The following MGAT1 variants were observed in gnomAD, a reference collection of about 807,000 sequenced individuals.
The protein encoded by MGAT1 is N-glycosyl-oligosaccharide-glycoprotein N-acetylglucosaminyltransferase I.
In MGAT1, 14 loss-of-function variants were observed where a neutral mutation model predicts 31.7. That is an observed-to-expected ratio of 0.44 (90% CI 0.29 to 0.69). MGAT1 has a LOEUF of 0.69. Ranked by LOEUF, MGAT1 falls within the 30% of genes least tolerant of loss-of-function variation. The pLI is 0.12. For missense variants in MGAT1, 557 were observed against 626.0 expected (o/e 0.89, Z 1.18); for synonymous variants, 338 against 276.0 (o/e 1.22, Z -2.23).
rs1767535610 is a variant in MGAT1 at position 180,785,906 on chromosome 5, T to C, written c.*5728A>G. 2 of 152,330 alleles carry C rather than the reference T, an allele frequency of 1.3e-5. No homozygotes were observed. The highest frequency in any genetic ancestry group is 1.3e-4 in the Admixed American group (2 of 15,294). The allele number at this position is 152,330 out of a possible 1,614,324, so 9.4% of individuals were successfully genotyped here. A position where few individuals can be genotyped will look rare whatever the true frequency, so the allele number is the denominator to read the frequency against. On this transcript the variant is annotated 3_prime_UTR_variant, in exon 2 of 2. Transcript: ENST00000307826. ...ACAGCTGTGCTGAGACGTTTTTGGCTGGGGCAGGGCTGCTGCACTGAGGGT... is the reference window on the plus strand; with the variant it reads ...ACAGCTGTGCTGAGACGTTTTTGGCCGGGGCAGGGCTGCTGCACTGAGGGT...
At chr5:180,794,198 C>G (rs12521205) in intron 1 of MGAT1, among the ~76,000 whole-genome samples, 17,389 of 146,860 alleles carry the variant, frequency 0.12, 1,093 homozygotes, top group East Asian at 0.24. Context: ...GGGCAGCACA[C>G]GGAGACCCTG....
rs547502235 is a variant in MGAT1 at position 180,785,137 on chromosome 5, G to C, written c.*6497C>G. The C allele has an allele frequency of 1.2e-4, 18 of 152,244 alleles. No individual in the cohort carries two copies. Among genetic ancestry groups the C allele is most frequent in the African/African-American group, 4.1e-4 (17 of 41,544 alleles). 9.4% of individuals were successfully genotyped at this position (152,244 alleles called of 1,614,324 possible). A position where few individuals can be genotyped will look rare whatever the true frequency, so the allele number is the denominator to read the frequency against. On this transcript the variant is annotated 3_prime_UTR_variant, in exon 2 of 2. Transcript: ENST00000307826. ...TTCAAGAACATCTACGTAAATAATA[G>C]AACCAGTCTCCTAGATGACACTGCT... is the stretch of plus-strand genomic sequence containing the variant.
chr5:180,812,097 C>G (rs538194147), intron 1 of MGAT1, among the ~76,000 whole-genome samples: 36 of 152,346 alleles, frequency 2.4e-4, no homozygotes, highest in Non-Finnish European at 4.7e-4. Context: ...TATTGTCTGT[C>G]TCCCACTACT....
chr5:180,810,472 C>G (rs1772445108), intron 1 of MGAT1: 1 of 152,418 alleles, frequency 6.6e-6, no homozygotes, highest in Non-Finnish European at 1.5e-5. Context: ...GCAGCGGAAG[C>G]GCGCGGCAGG....
Position 180,792,357 on chromosome 5 carries a change from G to T in MGAT1, c.615C>A (p.Ala205=). 2 of 1,611,088 alleles carry T rather than the reference G, an allele frequency of 1.2e-6. No homozygotes were observed. The highest frequency in any genetic ancestry group is 1.7e-6 in the Non-Finnish European group (2 of 1,178,254). Residue 205 remains alanine (A), a synonymous_variant, in exon 2 of 2, where the codon GCC becomes GCA. Coordinates refer to ENST00000307826, the MANE Select transcript of MGAT1 (RefSeq NM_002406.4). ...QVFRQFRFPA[A]VVVEDDLEVA... Reference sequence around the variant, plus strand: ...CCTCCAGGTCATCCTCCACCACCACGGCCGCGGGGAAGCGAAACTGCCGGA... The same window carrying T: ...CCTCCAGGTCATCCTCCACCACCACTGCCGCGGGGAAGCGAAACTGCCGGA...
chr5:180,792,153 G>C lies in MGAT1; in HGVS notation c.819C>G (p.Ala273=), dbSNP rs373316640. The C allele has an allele frequency of 8.1e-6, 13 of 1,613,100 alleles. No homozygotes were observed. Among genetic ancestry groups the C allele is most frequent in the Non-Finnish European group, 1.1e-5 (13 of 1,179,984 alleles). ...FFPGLGWLLL[A]ELWAELEPKW... ...TGGGCTCCAGCTCAGCCCAGAGCTC[G>C]GCCAACAGCAGCCAGCCCAGGCCAG... Residue 273 remains alanine (A), a synonymous_variant, in exon 2 of 2, where the codon GCC becomes GCG. Transcript: ENST00000307826.
At chr5:180,798,223 C>T (rs928186120) in intron 1 of MGAT1, among the ~76,000 whole-genome samples, 33 of 152,306 alleles carry the variant, frequency 2.2e-4, no homozygotes, top group African/African-American at 7.7e-4. Flanking sequence ...ACGTAAATAT[C>T]GGCCGTTATT....
In MGAT1 at chr5:180,793,159, G is replaced by A. The variant is rs535934551; in HGVS notation, c.-126-62C>T. The A allele has an allele frequency of 7.1e-6, 5 of 707,226 alleles. No homozygotes were observed. The South Asian group carries it at 9.5e-5, about 13-fold the overall frequency. 43.8% of individuals were successfully genotyped at this position (707,226 alleles called of 1,614,324 possible). A position where few individuals can be genotyped will look rare whatever the true frequency, so the allele number is the denominator to read the frequency against. ...AGGCTCGTGGCTCCATGCCCCACAG[G>A]TAGAGGAAATGGGGGCAGGAAAAGG... On this transcript the variant is annotated intron_variant, in intron 1 of 1. Coordinates refer to ENST00000307826, the MANE Select transcript of MGAT1 (RefSeq NM_002406.4).
Position 180,792,459 on chromosome 5 carries a change from C to T in MGAT1, c.513G>A (p.Ala171=), listed in dbSNP as rs374873453. The T allele has an allele frequency of 3.1e-6, 5 of 1,612,752 alleles. No homozygotes were observed. The highest frequency in any genetic ancestry group is 4.2e-6 in the Non-Finnish European group (5 of 1,179,754). Residue 171 remains alanine (A), a synonymous_variant, in exon 2 of 2, where the codon GCG becomes GCA. Coordinates refer to ENST00000307826, the MANE Select transcript of MGAT1 (RefSeq NM_002406.4). ...GGAACTTGCGGTGGTCCGGCGGCAC[C>T]GCAATGCTGCTCAGGTCGGGCTGCC... is the stretch of plus-strand genomic sequence containing the variant. ...HIRQPDLSSI[A]VPPDHRKFQG...
At chr5:180,814,054 TTTG>T (rs778955370) in intron 1 of MGAT1, among the ~76,000 whole-genome samples, 71 of 152,292 alleles carry the variant, frequency 4.7e-4, no homozygotes, top group Middle Eastern at 3.4e-3. Context: ...TTTTCAATGT[TTTG>T]TTGGCCATTT....
At chr5:180,814,684 G>A (rs958308808) in intron 1 of MGAT1, among the ~76,000 whole-genome samples, 1 of 152,148 alleles carries the variant, frequency 6.6e-6, no homozygotes. Context: ...GCTCACGCTT[G>A]TAATCTCAGC....
upstream of MGAT1, among the ~76,000 whole-genome samples, chr5:180,805,032 A>G (rs998313946): frequency 6.6e-6 from 1 of 152,194 alleles, no homozygotes; most frequent in African/African-American, 2.4e-5. Flanking sequence ...ACTTGGTCTG[A>G]GAGGCAAGAA....
chr5:180,807,426 T>C (rs1200252455), upstream of MGAT1, among the ~76,000 whole-genome samples: 1 of 152,076 alleles, frequency 6.6e-6, no homozygotes, highest in African/African-American at 2.4e-5. Context: ...AGTGAGAAGA[T>C]AAAGACAAAC....
At position 180,785,664 on chromosome 5, in the gene MGAT1, T is replaced by A. The variant is rs1165159629; in HGVS notation, c.*5970A>T. 1 of 152,412 alleles carries A rather than the reference T, an allele frequency of 6.6e-6. No individual in the cohort carries two copies. The highest frequency in any genetic ancestry group is 1.5e-5 in the Non-Finnish European group (1 of 68,152). 9.4% of individuals were successfully genotyped at this position (152,412 alleles called of 1,614,324 possible). ...TAGCAGCCACACAGCCCCATTCCGC[T>A]GCCAGCGTCCTGCAGGCCCCTCCTC... On this transcript the variant is annotated 3_prime_UTR_variant, in exon 2 of 2. Coordinates refer to ENST00000307826, the MANE Select transcript of MGAT1 (RefSeq NM_002406.4).
intron 1 of MGAT1, among the ~76,000 whole-genome samples, chr5:180,812,008 C>A (rs1260163421): frequency 6.6e-6 from 1 of 152,236 alleles, no homozygotes. Context: ...TGACCCAGAG[C>A]ACTGCTAGTC....
At chr5:180,797,239 T>C (rs1769588852) in intron 1 of MGAT1, among the ~76,000 whole-genome samples, 1 of 151,690 alleles carries the variant, frequency 6.6e-6, no homozygotes, top group Non-Finnish European at 1.5e-5. Context: ...TCTACTAAAA[T>C]AAAAATTCAA....
upstream of MGAT1, among the ~76,000 whole-genome samples, chr5:180,806,787 C>T (rs545946867): frequency 2.0e-4 from 31 of 152,336 alleles, no homozygotes; most frequent in East Asian, 5.8e-4. Context: ...TACGCAAATA[C>T]GCAACTCCCT....
chr5:180,814,870 G>C lies in MGAT1; in HGVS notation c.-546+544C>G, dbSNP rs187189132. Among the ~76,000 whole-genome samples, 828 of 152,062 alleles carry C rather than the reference G, an allele frequency of 5.4e-3. 4 individuals are homozygous for C. The highest frequency in any genetic ancestry group is 0.019 in the African/African-American group (784 of 41,452). On this transcript the variant is annotated intron_variant, in intron 1 of 2. Transcript: ENST00000333055. The stretch of plus-strand genomic sequence containing the variant: ...CAGGAGAATCGCTTGAACCCGGGGG[G>C]GCGGTGGTTGCAGTGAGCTGAGATC...
intron 1 of MGAT1, among the ~76,000 whole-genome samples, chr5:180,797,741 A>C (rs1769784753): frequency 6.6e-6 from 1 of 152,094 alleles, no homozygotes; most frequent in Non-Finnish European, 1.5e-5. Context: ...CCTCCACCTT[A>C]ATCAATCCCT....
Sources: allele counts gnomAD v4.1 joint callset (sites outside exome capture counted in the v4.1 genomes callset), GRCh38; gene constraint gnomAD v4.1.1; transcripts MANE v1.5; gene names NCBI Gene and HGNC (gene_info 2026-07-23, HGNC 2026-07-21).